CRK: variants seen among roughly 807,000 people sequenced by gnomAD.
The protein encoded by CRK is CRK proto-oncogene, adaptor protein, also known as adapter molecule crk.
Under a neutral mutation model 29.8 loss-of-function variants are expected in CRK, and 4 were observed. The observed-to-expected ratio is 0.13, with a 90% CI of 0.07 to 0.31. CRK has a LOEUF of 0.31. Ranked by LOEUF, CRK falls within the 10% of genes least tolerant of loss-of-function variation. CRK has a pLI of 1.00. For missense variants in CRK, 274 were observed against 396.5 expected (o/e 0.69, Z 2.62); for synonymous variants, 153 against 164.9 (o/e 0.93, Z 0.55).
chr17:1,445,141 C>T (rs1172478666), intron 1 of CRK, among the ~76,000 whole-genome samples: 2 of 113,312 alleles, frequency 1.8e-5, no homozygotes, highest in South Asian at 3.0e-4. Context: ...GAGCGAGACA[C>T]CGTCAAAAAA....
intron 2 of CRK, among the ~76,000 whole-genome samples, chr17:1,434,754 G>C (rs1178218840): frequency 6.9e-6 from 1 of 143,986 alleles, no homozygotes; most frequent in African/African-American, 2.6e-5. Flanking sequence ...TTGCACCCCA[G>C]CCTGGGCGAT....
chr17:1,424,073 T>TA (rs2073753445), intron 2 of CRK, among the ~76,000 whole-genome samples: 1 of 147,928 alleles, frequency 6.8e-6, no homozygotes, highest in Non-Finnish European at 1.5e-5. Context: ...CTCCGTTTTT[T>TA]TTTTTTTTTT....
chr17:1,444,856 A>C (rs968486799), intron 1 of CRK, among the ~76,000 whole-genome samples: 1 of 148,072 alleles, frequency 6.8e-6, no homozygotes, highest in African/African-American at 2.5e-5. Flanking sequence ...AAAAAAAAAG[A>C]ATGGCATAGG....
rs1205206908 is a variant in CRK at position 1,421,860 on chromosome 17, G to T, written c.*1653C>A. ...AGCAAACTATAAGGTGTTTCTATTG[G>T]TCATACCACACCAGAGACCGGTAAG... On this transcript the variant is annotated 3_prime_UTR_variant, in exon 3 of 3. Coordinates refer to ENST00000300574, the MANE Select transcript of CRK (RefSeq NM_016823.4). 3 of 152,136 alleles carry T rather than the reference G, an allele frequency of 2.0e-5. No individual in the cohort carries two copies. In the South Asian group the frequency reaches 6.2e-4, roughly 31 times the overall value. 9.4% of individuals were successfully genotyped at this position (152,136 alleles called of 1,614,324 possible).
intron 2 of CRK, among the ~76,000 whole-genome samples, chr17:1,432,787 A>AG (rs1304363804): frequency 1.3e-5 from 2 of 151,974 alleles, no homozygotes; most frequent in Non-Finnish European, 2.9e-5. Flanking sequence ...AAAAAAAAAA[A>AG]AAAAAGAAAA....
At chr17:1,443,576 T>G in intron 1 of CRK, among the ~76,000 whole-genome samples, 2 of 146,250 alleles carry the variant, frequency 1.4e-5, no homozygotes, top group Admixed American at 1.4e-4. Flanking sequence ...TTTTTTGTAT[T>G]TTTTAGTAGA....
chr17:1,453,532 C>T (rs1165752499), intron 1 of CRK, among the ~76,000 whole-genome samples: 3 of 152,198 alleles, frequency 2.0e-5, no homozygotes, highest in Non-Finnish European at 4.4e-5. Context: ...ATTCCCATCT[C>T]ATAATACTAT....
At chr17:1,447,805 C>T (rs1033331867) in intron 1 of CRK, among the ~76,000 whole-genome samples, 3 of 151,742 alleles carry the variant, frequency 2.0e-5, no homozygotes, top group African/African-American at 4.8e-5. Context: ...TTAGGAAAGA[C>T]AGGGTTTTGC....
chr17:1,456,144 G>C lies in CRK; in HGVS notation c.-27C>G, dbSNP rs1354684711. 1 of 1,465,242 alleles carries C rather than the reference G, an allele frequency of 6.8e-7. No individual in the cohort carries two copies. The highest frequency in any genetic ancestry group is 1.4e-5 in the South Asian group (1 of 73,508). The allele number at this position is 1,465,242 out of a possible 1,614,324, so 90.8% of individuals were successfully genotyped here. A position where few individuals can be genotyped will look rare whatever the true frequency, so the allele number is the denominator to read the frequency against. ...GCTGCCTCCGCGCCTAAACGCTGGGGTGCCGCCGCCGCGCGCGCCCCTCCG... is the reference window on the plus strand; with the variant it reads ...GCTGCCTCCGCGCCTAAACGCTGGGCTGCCGCCGCCGCGCGCGCCCCTCCG... On this transcript the variant is annotated 5_prime_UTR_variant, in exon 1 of 3. Transcript: ENST00000300574.
intron 1 of CRK, among the ~76,000 whole-genome samples, chr17:1,450,190 G>A (rs1026736706): frequency 6.6e-6 from 1 of 151,964 alleles, no homozygotes; most frequent in Non-Finnish European, 1.5e-5. Context: ...GGGCAACAGA[G>A]CAAGACTCTG....
chr17:1,432,374 A>T (rs370769464), intron 2 of CRK, among the ~76,000 whole-genome samples: 1 of 151,328 alleles, frequency 6.6e-6, no homozygotes, highest in Non-Finnish European at 1.5e-5. Context: ...CTGTAATCCC[A>T]GCTACCCGGG....
intron 1 of CRK, among the ~76,000 whole-genome samples, chr17:1,451,439 C>T (rs12938269): frequency 0.51 from 77,171 of 150,928 alleles, 20,750 homozygotes; most frequent in South Asian, 0.63. Context: ...ACCATGTTGG[C>T]CAGGCTGGTC....
At chr17:1,434,089 A>G (rs2073868816) in intron 2 of CRK, among the ~76,000 whole-genome samples, 1 of 152,148 alleles carries the variant, frequency 6.6e-6, no homozygotes, top group Non-Finnish European at 1.5e-5. Context: ...CTACAATGGC[A>G]GAGTTGGGAC....
At chr17:1,453,507 C>G (rs766336855) in intron 1 of CRK, among the ~76,000 whole-genome samples, 1 of 152,138 alleles carries the variant, frequency 6.6e-6, no homozygotes, top group Non-Finnish European at 1.5e-5. Context: ...TCAGGGCCAA[C>G]ACAGGTACAT....
At chr17:1,433,509 CTTTTTTTTTT>C (rs60236552) in intron 2 of CRK, among the ~76,000 whole-genome samples, 19 of 58,594 alleles carry the variant, frequency 3.2e-4, no homozygotes, top group South Asian at 1.8e-3. Context: ...CCACGCCTGG[CTTTTTTTTTT>C]TTTTTTTTTT....
chr17:1,446,197 C>G (rs970546115), intron 1 of CRK, among the ~76,000 whole-genome samples: 1 of 152,184 alleles, frequency 6.6e-6, no homozygotes, highest in African/African-American at 2.4e-5. Context: ...GGCTGGTGAA[C>G]AAGGAGAAAG....
At chr17:1,455,530 C>T (rs921904821) in intron 1 of CRK, among the ~76,000 whole-genome samples, 2 of 152,190 alleles carry the variant, frequency 1.3e-5, no homozygotes, top group Non-Finnish European at 2.9e-5. Context: ...CAAGTGATGC[C>T]CCCGCAGTGC....
intron 1 of CRK, among the ~76,000 whole-genome samples, chr17:1,440,897 T>C (rs1359332475): frequency 6.6e-6 from 1 of 152,150 alleles, no homozygotes; most frequent in Middle Eastern, 3.2e-3. Context: ...GAGAGAGACC[T>C]TGTCTCAAAA....
intron 1 of CRK, among the ~76,000 whole-genome samples, chr17:1,445,603 C>A (rs772521504): frequency 6.6e-6 from 1 of 152,188 alleles, no homozygotes; most frequent in Non-Finnish European, 1.5e-5. Context: ...AATTCCTATT[C>A]AAGTCTGGTA....
Sources: allele counts gnomAD v4.1 joint callset (sites outside exome capture counted in the v4.1 genomes callset), GRCh38; gene constraint gnomAD v4.1.1; transcripts MANE v1.5; gene names NCBI Gene and HGNC (gene_info 2026-07-23, HGNC 2026-07-21).